The following SOX5 variants were observed in gnomAD, a reference collection of about 807,000 sequenced individuals.
The protein encoded by SOX5 is SRY-box transcription factor 5, also known as transcription factor SOX-5.
A neutral mutation model predicts 92.0 loss-of-function variants in SOX5; 9 were observed. The ratio of observed to expected loss-of-function variants is 0.10; its 90% CI spans 0.06 to 0.17. The LOEUF (loss-of-function observed/expected upper bound fraction) is 0.17. Ranked by LOEUF, SOX5 falls within the 10% of genes least tolerant of loss-of-function variation. The pLI is 1.00. For missense variants in SOX5, 642 were observed against 944.5 expected (o/e 0.68, Z 4.20); for synonymous variants, 344 against 336.3 (o/e 1.02, Z -0.25).
chr12:23,932,855 GAATAATTATGCCACAGACA>G (rs1941743626), intron 1 of SOX5, among the ~76,000 whole-genome samples: 1 of 151,554 alleles, frequency 6.6e-6, no homozygotes, highest in Non-Finnish European at 1.5e-5. Context: ...AGAAGTTCTA[GAATAATTATGCCACAGACA>G]AAACCATTAG....
At chr12:23,892,596 G>A (rs1479106222) in intron 2 of SOX5, among the ~76,000 whole-genome samples, 2 of 152,106 alleles carry the variant, frequency 1.3e-5, no homozygotes, top group Admixed American at 1.3e-4. Flanking sequence ...TTGGAAAGAG[G>A]TTGAATGTTT....
chr12:24,236,502 A>G (rs1324781569), intron 3 of SOX5, among the ~76,000 whole-genome samples: 1 of 152,224 alleles, frequency 6.6e-6, no homozygotes, highest in Non-Finnish European at 1.5e-5. Flanking sequence ...ATTGGCCAGG[A>G]AGCACAAACA....
chr12:23,930,822 G>C (rs1941236719), intron 1 of SOX5, among the ~76,000 whole-genome samples: 1 of 151,598 alleles, frequency 6.6e-6, no homozygotes, highest in South Asian at 2.1e-4. Flanking sequence ...CACACTCCTG[G>C]CCCATATGAC....
intron 2 of SOX5, among the ~76,000 whole-genome samples, chr12:23,883,339 TG>T (rs767153477): frequency 3.9e-5 from 6 of 152,082 alleles, no homozygotes; most frequent in Non-Finnish European, 7.4e-5. Flanking sequence ...TCACTTAAAA[TG>T]GGGAGTCAGG....
intron 4 of SOX5, among the ~76,000 whole-genome samples, chr12:24,000,363 A>G (rs1363206853): frequency 1.3e-5 from 2 of 152,058 alleles, no homozygotes; most frequent in African/African-American, 4.8e-5. Context: ...AATAATTATA[A>G]CATTGTATTT....
At chr12:24,297,845 G>C (rs1947453919) in intron 2 of SOX5, among the ~76,000 whole-genome samples, 1 of 152,170 alleles carries the variant, frequency 6.6e-6, no homozygotes, top group African/African-American at 2.4e-5. Flanking sequence ...TTTATCCTGA[G>C]AGCCAGCATC....
intron 4 of SOX5, among the ~76,000 whole-genome samples, chr12:23,748,301 G>A (rs1326455261): frequency 2.6e-5 from 4 of 151,878 alleles, no homozygotes; most frequent in Non-Finnish European, 5.9e-5. Context: ...TTTGTTGAGT[G>A]AATAAAATAA....
intron 2 of SOX5, among the ~76,000 whole-genome samples, chr12:24,336,161 C>G (rs2141025193): frequency 6.6e-6 from 1 of 151,488 alleles, no homozygotes; most frequent in Non-Finnish European, 1.5e-5. Flanking sequence ...GTGGTCCAAT[C>G]TTGGCTCACT....
chr12:23,636,322 T>C (rs2079229906), intron 8 of SOX5, among the ~76,000 whole-genome samples: 1 of 152,154 alleles, frequency 6.6e-6, no homozygotes. Flanking sequence ...AAGGTGATTT[T>C]TCTACATGAA....
intron 4 of SOX5, among the ~76,000 whole-genome samples, chr12:24,099,474 T>C (rs910076213): frequency 6.6e-6 from 1 of 152,178 alleles, no homozygotes; most frequent in Non-Finnish European, 1.5e-5. Flanking sequence ...AAGGAGCTAC[T>C]TTGTTCTCCC....
At chr12:24,118,155 A>G (rs550868439) in intron 4 of SOX5, among the ~76,000 whole-genome samples, 3 of 152,006 alleles carry the variant, frequency 2.0e-5, no homozygotes, top group Non-Finnish European at 4.4e-5. Flanking sequence ...GGTTTTAATT[A>G]TACTGGGGGA....
chr12:24,204,482 C>A (rs767779053), intron 4 of SOX5, among the ~76,000 whole-genome samples: 1 of 151,900 alleles, frequency 6.6e-6, no homozygotes, highest in African/African-American at 2.4e-5. Flanking sequence ...GTGGCCACTA[C>A]CATGTCTGAC....
chr12:23,682,940 C>G (rs1489093287), intron 6 of SOX5, among the ~76,000 whole-genome samples: 1 of 151,766 alleles, frequency 6.6e-6, no homozygotes, highest in Non-Finnish European at 1.5e-5. Flanking sequence ...CCATTTGTCA[C>G]CTGACTTCTT....
At chr12:23,691,630 G>A (rs557729993) in intron 6 of SOX5, among the ~76,000 whole-genome samples, 2 of 151,998 alleles carry the variant, frequency 1.3e-5, no homozygotes, top group Non-Finnish European at 2.9e-5. Flanking sequence ...CTAATAATTT[G>A]TCTACTTATT....
chr12:23,617,311 A>C (rs1230037430), intron 8 of SOX5, among the ~76,000 whole-genome samples: 3 of 152,126 alleles, frequency 2.0e-5, no homozygotes, highest in Non-Finnish European at 4.4e-5. Context: ...ATTATGACCC[A>C]CACTTCCTTG....
chr12:23,854,871 G>A (rs1232276293), intron 2 of SOX5, among the ~76,000 whole-genome samples: 1 of 152,000 alleles, frequency 6.6e-6, no homozygotes, highest in Non-Finnish European at 1.5e-5. Flanking sequence ...AGGATTATAA[G>A]TTAAAATATA....
chr12:23,935,304 C>T (rs1185751903), intron 1 of SOX5, among the ~76,000 whole-genome samples: 1 of 151,128 alleles, frequency 6.6e-6, no homozygotes, highest in Admixed American at 6.6e-5. Flanking sequence ...ATTAATTATA[C>T]CATTATTTAC....
Position 24,409,908 on chromosome 12 carries a change from T to C in SOX5, c.-250-41269A>G, listed in dbSNP as rs532142108. 5.3e-5 allele frequency among the ~76,000 whole-genome samples: 8 copies of C among 152,320 alleles called. 1 individual carries two copies. In the South Asian group the frequency reaches 1.4e-3, roughly 28 times the overall value. Reference sequence around the variant, plus strand: ...CTTGACACTAGTACTTTGTCAGATATATGGTTTGCAAACACTTTTATTCCA... The same window carrying C: ...CTTGACACTAGTACTTTGTCAGATACATGGTTTGCAAACACTTTTATTCCA... On this transcript the variant is annotated intron_variant, in intron 1 of 4. Coordinates refer to the SOX5 transcript ENST00000446891.
intron 3 of SOX5, among the ~76,000 whole-genome samples, chr12:24,242,940 CAG>C (rs1937761398): frequency 6.6e-6 from 1 of 152,028 alleles, no homozygotes. Context: ...AAGCAAATAA[CAG>C]AACACAATCC....
Sources: gnomAD v4.1 joint callset for allele counts (sites outside exome capture counted in the v4.1 genomes callset) on GRCh38, gnomAD v4.1.1 for gene constraint, MANE v1.5 for transcripts, NCBI Gene and HGNC (gene_info 2026-07-23, HGNC 2026-07-21) for gene names.